Variants in MAP3K7 observed in about 807,000 individuals in gnomAD.
MAP3K7 encodes the protein TGF-beta activated kinase 1.
In MAP3K7, 21 loss-of-function variants were observed where a neutral mutation model predicts 84.8. That is an observed-to-expected ratio of 0.25 (90% CI 0.18 to 0.36). MAP3K7 has a LOEUF of 0.36. MAP3K7 is among the 10% of genes least tolerant of loss of function. The pLI is 1.00. For synonymous variants in MAP3K7, 241 were observed against 247.7 expected, an observed-to-expected ratio of 0.97 and a Z score of 0.25; for missense variants, 503 against 747.7, an observed-to-expected ratio of 0.67 and a Z score of 3.82.
intron 1 of MAP3K7, among the ~76,000 whole-genome samples, chr6:90,581,094 T>C (rs894093613): frequency 6.6e-6 from 1 of 152,214 alleles, no homozygotes; most frequent in Admixed American, 6.5e-5. Context: ...TGTTTGTGTG[T>C]TATTTTTAAA....
chr6:90,558,325 AT>A (rs1482611841), intron 5 of MAP3K7, among the ~76,000 whole-genome samples: 7 of 151,776 alleles, frequency 4.6e-5, no homozygotes, highest in African/African-American at 1.5e-4. Flanking sequence ...GTGTCTCAAA[AT>A]AAAAAATAAT....
rs868573688 is a variant in MAP3K7, at chr6:90,576,431, A to T, written c.121-4624T>A. On this transcript the variant is annotated intron_variant, in intron 1 of 16. Coordinates refer to ENST00000369329, the MANE Select transcript of MAP3K7 (RefSeq NM_145331.3). ...GAGCTAGACTCTGTCACACACACACACACACACACACACACACACACACAC... is the reference window on the plus strand; with the variant it reads ...GAGCTAGACTCTGTCACACACACACTCACACACACACACACACACACACAC... 7.9e-3 allele frequency among the ~76,000 whole-genome samples: 1,012 copies of T among 127,786 alleles called. 8 individuals are homozygous for T. The highest frequency in any genetic ancestry group is 9.3e-3 in the Non-Finnish European group (582 of 62,548). The allele number at this position is 127,786 out of a possible 152,430, so 83.8% of individuals were successfully genotyped here. A position where few individuals can be genotyped will look rare whatever the true frequency, so the allele number is the denominator to read the frequency against.
intron 16 of MAP3K7, 99 bp from the exon 17 acceptor site, chr6:90,516,780 T>A (rs1402332481): frequency 9.8e-7 from 1 of 1,018,754 alleles, no homozygotes; most frequent in Admixed American, 2.8e-5. Context: ...TATTCTTGGT[T>A]TATCATTTTG....
intron 3 of MAP3K7, 25 bp from the exon 4 acceptor site, chr6:90,561,692 A>G (rs769797889): frequency 1.8e-5 from 29 of 1,570,504 alleles, no homozygotes; most frequent in Non-Finnish European, 2.4e-5. Context: ...TATCAGAAGC[A>G]TTAACCAAGA....
At chr6:90,549,866 G>A (rs987705390) in intron 9 of MAP3K7, among the ~76,000 whole-genome samples, 2 of 152,026 alleles carry the variant, frequency 1.3e-5, no homozygotes, top group Non-Finnish European at 2.9e-5. Flanking sequence ...ATAAATGCAG[G>A]GTAAATACAT....
chr6:90,556,161 T>C (rs1582209031), intron 6 of MAP3K7, among the ~76,000 whole-genome samples: 1 of 152,166 alleles, frequency 6.6e-6, no homozygotes, highest in Non-Finnish European at 1.5e-5. Flanking sequence ...ATGCACACTG[T>C]CTGCGAGTAC....
At chr6:90,582,880 C>CTTTTTTTTTTTT (rs535938524) in intron 1 of MAP3K7, among the ~76,000 whole-genome samples, 1 of 129,162 alleles carries the variant, frequency 7.7e-6, no homozygotes. Context: ...CTTCTATCAT[C>CTTTTTTTTTTTT]TTTTTTTTTT....
intron 6 of MAP3K7, among the ~76,000 whole-genome samples, chr6:90,555,528 T>TA (rs1421389391): frequency 6.6e-6 from 1 of 152,212 alleles, no homozygotes; most frequent in Non-Finnish European, 1.5e-5. Context: ...GTGCTGAGAT[T>TA]ACAGGCCTGA....
chr6:90,568,157 T>C (rs1776774417), intron 3 of MAP3K7, among the ~76,000 whole-genome samples: 1 of 152,178 alleles, frequency 6.6e-6, no homozygotes, highest in East Asian at 1.9e-4. Context: ...GGCAAATGTA[T>C]ACATACGTAA....
Position 90,556,633 on chromosome 6 carries a change from A to AG in MAP3K7, c.483-10_483-9insC. The AG allele has an allele frequency of 6.4e-7, 1 of 1,574,342 alleles. No individual in the cohort carries two copies. Among genetic ancestry groups the AG allele is most frequent in the Non-Finnish European group, 8.6e-7 (1 of 1,167,540 alleles). On this transcript the variant is annotated splice_polypyrimidine_tract_variant and intron_variant, in intron 5 of 16. Transcript: ENST00000369329. ...CTGCAACCAGCAGTAAGCTGTTTAAAAAAAAACAAAAAACATCAAAAGTTA... is the reference window on the plus strand; with the variant it reads ...CTGCAACCAGCAGTAAGCTGTTTAAAGAAAAAACAAAAAACATCAAAAGTTA...
intron 1 of MAP3K7, 22 bp from the exon 2 acceptor site, chr6:90,571,829 A>C: frequency 2.9e-6 from 4 of 1,382,714 alleles, no homozygotes; most frequent in Non-Finnish European, 4.0e-6. Flanking sequence ...AAACAAACAA[A>C]AAACAAACAA....
intron 14 of MAP3K7, among the ~76,000 whole-genome samples, chr6:90,521,910 T>A (rs1192064938): frequency 3.9e-5 from 6 of 152,274 alleles, no homozygotes; most frequent in South Asian, 2.1e-4. Context: ...ATTAAAAAAA[T>A]TTAATTAGGT....
intron 3 of MAP3K7, among the ~76,000 whole-genome samples, chr6:90,563,674 C>A (rs1776599617): frequency 1.3e-5 from 2 of 152,186 alleles, no homozygotes; most frequent in African/African-American, 4.8e-5. Flanking sequence ...ACTTCCCCAA[C>A]CTAGCAACGC....
intron 6 of MAP3K7, among the ~76,000 whole-genome samples, chr6:90,556,220 T>A (rs1401296328): frequency 6.6e-6 from 1 of 152,212 alleles, no homozygotes; most frequent in African/African-American, 2.4e-5. Flanking sequence ...GAGTATTAAT[T>A]TTGGGGTTAC....
chr6:90,522,929 T>C (rs965620110), intron 14 of MAP3K7, among the ~76,000 whole-genome samples: 1 of 152,158 alleles, frequency 6.6e-6, no homozygotes, highest in Non-Finnish European at 1.5e-5. Flanking sequence ...CCTTCGTGAC[T>C]TAATATAATA....
intron 13 of MAP3K7, among the ~76,000 whole-genome samples, chr6:90,528,345 G>A (rs1258918557): frequency 3.3e-5 from 5 of 152,104 alleles, no homozygotes; most frequent in East Asian, 1.9e-4. Context: ...ATTCAAGACT[G>A]CAACAAGTAA....
intron 5 of MAP3K7, among the ~76,000 whole-genome samples, chr6:90,559,275 G>C (rs1009905669): frequency 6.6e-6 from 1 of 152,050 alleles, no homozygotes; most frequent in Non-Finnish European, 1.5e-5. Context: ...ACCCAGAAGG[G>C]ATGTTTTAAT....
At chr6:90,536,461 TA>T in intron 12 of MAP3K7, 60 bp from the exon 13 acceptor site, 1 of 1,278,796 alleles carries the variant, frequency 7.8e-7, no homozygotes, top group East Asian at 2.3e-5. Context: ...AAAAAGCGTG[TA>T]ATTGCTACAG....
At chr6:90,528,288 T>G (rs150795714) in intron 13 of MAP3K7, among the ~76,000 whole-genome samples, 2 of 152,280 alleles carry the variant, frequency 1.3e-5, no homozygotes, top group African/African-American at 4.8e-5. Context: ...TAAAATAAAT[T>G]CATGAAGAAT....
Sources: gnomAD v4.1 joint callset for allele counts (sites outside exome capture counted in the v4.1 genomes callset) on GRCh38, gnomAD v4.1.1 for gene constraint, MANE v1.5 for transcripts, NCBI Gene and HGNC (gene_info 2026-07-23, HGNC 2026-07-21) for gene names.